Variants in ZER1 observed in about 807,000 individuals in gnomAD.
The protein encoded by ZER1 is zyg-11 related cell cycle regulator, also known as protein zer-1 homolog.
Under a neutral mutation model 78.8 loss-of-function variants are expected in ZER1, and 11 were observed. The observed-to-expected ratio is 0.14, with a 90% CI of 0.09 to 0.23. ZER1 has a LOEUF of 0.23. ZER1 is among the 10% of genes least tolerant of loss of function. The pLI is 1.00. For missense variants in ZER1, 588 were observed against 996.9 expected (o/e 0.59, Z 5.52); for synonymous variants, 400 against 407.0 (o/e 0.98, Z 0.21).
rs1409599442 is a variant in ZER1 at position 128,737,002 on chromosome 9, A to G, written c.2043-1571T>C. Among the ~76,000 whole-genome samples, 3 of 151,950 alleles carry G rather than the reference A, an allele frequency of 2.0e-5. No individual in the cohort carries two copies. The East Asian group carries it at 5.8e-4, about 29-fold the overall frequency. On this transcript the variant is annotated intron_variant, in intron 13 of 15. Transcript: ENST00000291900. Reference sequence around the variant, plus strand: ...CCACTAAAGTACAAAAAATTAGTTGAGCATGGTAACGTGCACCTGTAATCC... The same window carrying G: ...CCACTAAAGTACAAAAAATTAGTTGGGCATGGTAACGTGCACCTGTAATCC...
intron 1 of ZER1, among the ~76,000 whole-genome samples, 190 bp downstream of exon 1, chr9:128,771,391 T>C (rs557052927): frequency 1.3e-5 from 2 of 152,190 alleles, no homozygotes; most frequent in Non-Finnish European, 2.9e-5. Flanking sequence ...ATTTTCTTTC[T>C]GGAGGAAGGG....
chr9:128,763,878 T>G (rs1864124549), intron 1 of ZER1, among the ~76,000 whole-genome samples: 1 of 151,948 alleles, frequency 6.6e-6, no homozygotes, highest in South Asian at 2.1e-4. Context: ...TCCCAGCTAC[T>G]CGGGAGGCTG....
rs905270995 is a variant in ZER1 at position 128,755,021 on chromosome 9, T to C, written c.158+387A>G. ...TGCTCACTGAATTCACAAGCACAGG[T>C]ATGTGCATGTGAATGTACATACACG... On this transcript the variant is annotated intron_variant, in intron 2 of 15. Coordinates refer to ENST00000291900, the MANE Select transcript of ZER1 (RefSeq NM_006336.4). The surrounding 1 kb of genome is among the most constrained non-coding windows in gnomAD (Gnocchi z 5.6). Among the ~76,000 whole-genome samples, 1 of 152,186 alleles carries C rather than the reference T, an allele frequency of 6.6e-6. No homozygotes were observed. Among genetic ancestry groups the C allele is most frequent in the Non-Finnish European group, 1.5e-5 (1 of 68,034 alleles).
In ZER1 at chr9:128,750,709, T is replaced by C; in HGVS notation, c.1266A>G (p.Thr422=). Residue 422 remains threonine, a synonymous_variant, in exon 8 of 16, where the codon ACA becomes ACG. Coordinates refer to ENST00000291900, the MANE Select transcript of ZER1 (RefSeq NM_006336.4). ...TCTGCTCTGAGCGGTACTCGGAATTTGTTAGGTAGAAGAGAGCGGCGCTGC... is the reference window on the plus strand; with the variant it reads ...TCTGCTCTGAGCGGTACTCGGAATTCGTTAGGTAGAAGAGAGCGGCGCTGC... The part of the protein sequence containing the change: ...VTGSAALFYL[T]NSEYRSEQSV... 2 of 1,614,174 alleles carry C rather than the reference T, an allele frequency of 1.2e-6. No homozygotes were observed. Among genetic ancestry groups the C allele is most frequent in the Non-Finnish European group, 1.7e-6 (2 of 1,180,026 alleles).
chr9:128,758,692 C>T (rs559337792), intron 1 of ZER1, among the ~76,000 whole-genome samples: 4 of 150,800 alleles, frequency 2.7e-5, no homozygotes, highest in African/African-American at 7.3e-5. Context: ...TGCTTACCCC[C>T]GCCTCCCAAA....
intron 5 of ZER1, among the ~76,000 whole-genome samples, chr9:128,752,262 G>A (rs1040866925): frequency 1.1e-4 from 16 of 151,862 alleles, no homozygotes; most frequent in African/African-American, 3.6e-4. Context: ...GGCAGGACCT[G>A]ATTTGTTTCT....
intron 9 of ZER1, 129 bp from the exon 10 acceptor site, chr9:128,741,970 C>T (rs1863314689): frequency 1.6e-6 from 2 of 1,252,540 alleles, no homozygotes; most frequent in Admixed American, 3.9e-5. Context: ...TCAAGTCTCC[C>T]TATATTTGGG....
chr9:128,753,090 G>A lies in ZER1; in HGVS notation c.746+74C>T. The A allele has an allele frequency of 1.4e-6, 2 of 1,416,306 alleles. No homozygotes were observed. The highest frequency in any genetic ancestry group is 1.9e-6 in the Non-Finnish European group (2 of 1,068,518). The allele number at this position is 1,416,306 out of a possible 1,614,324, so 87.7% of individuals were successfully genotyped here. A position where few individuals can be genotyped will look rare whatever the true frequency, so the allele number is the denominator to read the frequency against. ...AAGCGCTCCTGAACCCTGAGGGCGT[G>A]ACAACACCCACCTCTACTCCTCCCC... On this transcript the variant is annotated intron_variant, in intron 4 of 15. Transcript: ENST00000291900. This position sits in a 1 kb window ranked among gnomAD's most constrained non-coding sequence, Gnocchi z 7.5.
At chr9:128,761,649 G>C (rs575734845) in intron 1 of ZER1, among the ~76,000 whole-genome samples, 2 of 144,562 alleles carry the variant, frequency 1.4e-5, no homozygotes, top group East Asian at 4.1e-4. Context: ...CTGTCACCCA[G>C]GCTGGAATAC....
intron 1 of ZER1, among the ~76,000 whole-genome samples, chr9:128,759,420 G>A (rs564656672): frequency 1.3e-5 from 2 of 149,440 alleles, no homozygotes; most frequent in South Asian, 2.1e-4. Flanking sequence ...CAGGTGATCC[G>A]CCCATCTCTG....
intron 8 of ZER1, among the ~76,000 whole-genome samples, chr9:128,748,420 AT>A (rs1455688350): frequency 3.5e-5 from 4 of 114,704 alleles, no homozygotes; most frequent in African/African-American, 1.2e-4. Context: ...AAAAAAAAAA[AT>A]TAGTTGGGTG....
chr9:128,738,618 C>A (rs1462904611), intron 13 of ZER1, among the ~76,000 whole-genome samples: 1 of 151,594 alleles, frequency 6.6e-6, no homozygotes, highest in Non-Finnish European at 1.5e-5. Flanking sequence ...ATTTCCTGAC[C>A]TCATGATCCG....
In ZER1 at chr9:128,753,037, T is replaced by C; in HGVS notation, c.746+127A>G. 2 of 1,205,838 alleles carry C rather than the reference T, an allele frequency of 1.7e-6. No homozygotes were observed. The highest frequency in any genetic ancestry group is 2.3e-6 in the Non-Finnish European group (2 of 884,448). The allele number at this position is 1,205,838 out of a possible 1,614,324, so 74.7% of individuals were successfully genotyped here. A position where few individuals can be genotyped will look rare whatever the true frequency, so the allele number is the denominator to read the frequency against. On this transcript the variant is annotated intron_variant, in intron 4 of 15. Coordinates refer to ENST00000291900, the MANE Select transcript of ZER1 (RefSeq NM_006336.4). The surrounding 1 kb of genome is among the most constrained non-coding windows in gnomAD (Gnocchi z 7.5). ...ACACTGGGTTTAAGGAATGGGACTGTGTCTTCATCCCCACCCTCTGCCTAG... is the reference window on the plus strand; with the variant it reads ...ACACTGGGTTTAAGGAATGGGACTGCGTCTTCATCCCCACCCTCTGCCTAG...
At chr9:128,761,264 A>G (rs147567502) in intron 1 of ZER1, among the ~76,000 whole-genome samples, 204 of 152,012 alleles carry the variant, frequency 1.3e-3, no homozygotes, top group African/African-American at 4.7e-3. Context: ...CAACAGACTA[A>G]GTACACAACA....
At chr9:128,742,459 T>C (rs1863333908) in intron 9 of ZER1, 71 bp downstream of exon 9, 1 of 1,565,832 alleles carries the variant, frequency 6.4e-7, no homozygotes. Context: ...TCTGAGACTC[T>C]CGCTCAGGGT....
Position 128,753,309 on chromosome 9 carries a change from G to A in ZER1, c.601C>T (p.Leu201=), listed in dbSNP as rs1374192776. The change falls in exon 4 of 16, where the codon CTG becomes TTG. Residue 201 remains leucine (L), a synonymous_variant. Coordinates refer to ENST00000291900, the MANE Select transcript of ZER1 (RefSeq NM_006336.4). This position sits in a 1 kb window ranked among gnomAD's most constrained non-coding sequence, Gnocchi z 7.5. ...VESLLRPLNS[L]AALDLSGIQT... ...ATGCCTGAGAGGTCCAAGGCAGCCA[G>A]GGAGTTAAGCGGCCGCAGCAGGGAC... The A allele has an allele frequency of 6.2e-7, 1 of 1,612,698 alleles. No individual in the cohort carries two copies. Among genetic ancestry groups the A allele is most frequent in the Non-Finnish European group, 8.5e-7 (1 of 1,179,436 alleles).
chr9:128,734,852 T>A (rs1274322922), intron 14 of ZER1, among the ~76,000 whole-genome samples: 1 of 152,022 alleles, frequency 6.6e-6, no homozygotes, highest in African/African-American at 2.4e-5. Context: ...ATGTGTTTTT[T>A]TTTTTTTTCA....
chr9:128,766,083 G>A (rs1022778068), intron 1 of ZER1, among the ~76,000 whole-genome samples: 3 of 152,240 alleles, frequency 2.0e-5, no homozygotes, highest in African/African-American at 7.2e-5. Context: ...GGGCGTGGAG[G>A]CTCACGCCTC....
At chr9:128,770,899 G>GT (rs1864362722) in intron 1 of ZER1, among the ~76,000 whole-genome samples, 2 of 152,174 alleles carry the variant, frequency 1.3e-5, no homozygotes, top group Admixed American at 6.5e-5. Flanking sequence ...GCTGAGCGCG[G>GT]TGGCTCATGC....
Sources: gnomAD v4.1 joint callset for allele counts (sites outside exome capture counted in the v4.1 genomes callset) on GRCh38, gnomAD v4.1.1 for gene constraint, Gnocchi (gnomAD v3.1) non-coding constraint, MANE v1.5 for transcripts, NCBI Gene and HGNC (gene_info 2026-07-23, HGNC 2026-07-21) for gene names.